CSTPP1: variants seen among roughly 807,000 people sequenced by gnomAD.
The protein encoded by CSTPP1 is UPF0705 protein C11orf49.
At chr11:47,029,033 C>T in the CSTPP1 span, among the ~76,000 whole-genome samples, 9 of 151,130 alleles carry the variant, frequency 6.0e-5, no homozygotes, top group East Asian at 2.0e-4. Flanking sequence ...TTGGTAGAGA[C>T]GGGATTTCAC....
At chr11:47,012,045 CGGGAG>C in the CSTPP1 span, among the ~76,000 whole-genome samples, 1 of 151,382 alleles carries the variant, frequency 6.6e-6, no homozygotes, top group Non-Finnish European at 1.5e-5. Flanking sequence ...GAGGCTGAAG[CGGGAG>C]GATTGATTGA....
At chr11:47,081,430 T>C in the CSTPP1 span, among the ~76,000 whole-genome samples, 1 of 152,170 alleles carries the variant, frequency 6.6e-6, no homozygotes, top group Non-Finnish European at 1.5e-5. Context: ...CCAGGCACTG[T>C]TCTAAGCTCT....
chr11:46,956,840 T>A, the CSTPP1 span, among the ~76,000 whole-genome samples: 1 of 151,900 alleles, frequency 6.6e-6, no homozygotes, highest in Non-Finnish European at 1.5e-5. Flanking sequence ...ATTATTATAA[T>A]TTTTGGTTAA....
chr11:47,160,788 CT>C, the CSTPP1 span: 4 of 318,326 alleles, frequency 1.3e-5, no homozygotes, highest in East Asian at 2.9e-4. Context: ...GGACCATATC[CT>C]TTTCAGCCCA....
the CSTPP1 span, among the ~76,000 whole-genome samples, chr11:46,986,961 A>G: frequency 6.6e-6 from 1 of 152,236 alleles, no homozygotes; most frequent in East Asian, 1.9e-4. Flanking sequence ...TGAAGGGTTG[A>G]TGCTAATACT....
chr11:47,068,696 T>C, the CSTPP1 span, among the ~76,000 whole-genome samples: 2 of 152,206 alleles, frequency 1.3e-5, no homozygotes, highest in South Asian at 2.1e-4. Context: ...ACTACTTTGT[T>C]AGTATCTTAA....
chr11:47,015,763 C>T, the CSTPP1 span, among the ~76,000 whole-genome samples: 13 of 151,698 alleles, frequency 8.6e-5, no homozygotes, highest in Non-Finnish European at 1.9e-4. Flanking sequence ...AAATTGAATC[C>T]AACAATATAT....
At chr11:47,056,746 A>G in the CSTPP1 span, among the ~76,000 whole-genome samples, 1 of 152,212 alleles carries the variant, frequency 6.6e-6, no homozygotes, top group African/African-American at 2.4e-5. Context: ...TCAATCTCCA[A>G]TTTTAATCCG....
At chr11:46,997,249 C>T in the CSTPP1 span, among the ~76,000 whole-genome samples, 6 of 152,212 alleles carry the variant, frequency 3.9e-5, no homozygotes, top group East Asian at 9.6e-4. Context: ...AGGCTTTGTT[C>T]GTTTCTTTTT....
the CSTPP1 span, among the ~76,000 whole-genome samples, chr11:47,079,460 A>G: frequency 6.6e-6 from 1 of 152,228 alleles, no homozygotes; most frequent in Admixed American, 6.5e-5. Flanking sequence ...GCTCAAAGTC[A>G]AGTTCAGCCA....
the CSTPP1 span, among the ~76,000 whole-genome samples, chr11:47,038,509 T>C: frequency 1.1e-5 from 1 of 91,626 alleles, no homozygotes; most frequent in Non-Finnish European, 2.6e-5. Flanking sequence ...GAGGGGCTCC[T>C]CACTTCCCAG....
At chr11:47,002,586 T>C in the CSTPP1 span, among the ~76,000 whole-genome samples, 24 of 152,124 alleles carry the variant, frequency 1.6e-4, no homozygotes, top group African/African-American at 5.8e-4. Context: ...GAAGTAATAA[T>C]TGGGCCCAGA....
chr11:46,947,551 C>CT, the CSTPP1 span, among the ~76,000 whole-genome samples: 1 of 152,106 alleles, frequency 6.6e-6, no homozygotes, highest in Non-Finnish European at 1.5e-5. Flanking sequence ...AAGCTTTTGA[C>CT]TAAGTTTTGT....
At chr11:47,158,055 A>G in the CSTPP1 span, 2 of 760,456 alleles carry the variant, frequency 2.6e-6, no homozygotes, top group Non-Finnish European at 2.2e-6. Flanking sequence ...GGCCGGACTC[A>G]ATCCCAGGGA....
the CSTPP1 span, among the ~76,000 whole-genome samples, chr11:46,974,173 G>A: frequency 1.3e-5 from 2 of 151,996 alleles, no homozygotes; most frequent in Admixed American, 6.6e-5. Context: ...TGGAGGTTGC[G>A]ATGAGCTATG....
chr11:47,052,560 TTCCTTTCTTCCTTCCTTC>T, the CSTPP1 span: 1 of 1,598,254 alleles, frequency 6.3e-7, no homozygotes, highest in South Asian at 1.1e-5. Flanking sequence ...CCTTCCTTCC[TTCCTTTCTTCCTTCCTTC>T]CTTCCTCTCT....
the CSTPP1 span, among the ~76,000 whole-genome samples, chr11:46,981,950 T>C: frequency 6.6e-6 from 1 of 151,988 alleles, no homozygotes; most frequent in African/African-American, 2.4e-5. Context: ...CCAGTAAAGA[T>C]GGAGGATGTA....
the CSTPP1 span, among the ~76,000 whole-genome samples, chr11:46,983,604 C>G: frequency 6.6e-6 from 1 of 152,016 alleles, no homozygotes; most frequent in Non-Finnish European, 1.5e-5. Context: ...GTTTTTTATT[C>G]TTTAATCATT....
the CSTPP1 span, among the ~76,000 whole-genome samples, chr11:46,950,262 C>T: frequency 6.6e-6 from 1 of 151,274 alleles, no homozygotes; most frequent in Non-Finnish European, 1.5e-5. Flanking sequence ...CAAGCTCCGC[C>T]TCCCAGGTTC....
Sources: allele counts gnomAD v4.1 joint callset (sites outside exome capture counted in the v4.1 genomes callset), GRCh38; gene constraint gnomAD v4.1.1; transcripts MANE v1.5; gene names NCBI Gene and HGNC (gene_info 2026-07-23, HGNC 2026-07-21).